ANKHD1: variants seen among roughly 807,000 people sequenced by gnomAD.
ANKHD1 encodes ankyrin repeat and KH domain-containing protein 1.
A neutral mutation model predicts 230.5 loss-of-function variants in ANKHD1; 31 were observed. The observed-to-expected ratio is 0.13, with a 90% CI of 0.10 to 0.18. The LOEUF (loss-of-function observed/expected upper bound fraction) is 0.18, where lower values mean the gene tolerates loss of function less well. Ranked by LOEUF, ANKHD1 falls within the 10% of genes least tolerant of loss-of-function variation. ANKHD1 has a pLI of 1.00. For synonymous variants in ANKHD1, 1,074 were observed against 1,117.6 expected (o/e 0.96, Z 0.78); for missense variants, 2,256 against 3,071.3 (o/e 0.73, Z 6.27).
At chr5:140,440,022 C>T in intron 3 of ANKHD1, 97 bp from the exon 4 acceptor site, 1 of 1,334,838 alleles carries the variant, frequency 7.5e-7, no homozygotes, top group South Asian at 2.4e-5. Flanking sequence ...ACTGCATTAA[C>T]ATTTTTCTTT....
intron 29 of ANKHD1, among the ~76,000 whole-genome samples, chr5:140,532,205 TAA>T (rs78497065): frequency 4.1e-4 from 52 of 126,512 alleles, no homozygotes; most frequent in Admixed American, 4.9e-4. Context: ...GACTCTGTCT[TAA>T]AAAAAAAAAA....
intron 25 of ANKHD1, chr5:140,524,952 A>T: frequency 5.6e-6 from 2 of 354,862 alleles, no homozygotes; most frequent in Non-Finnish European, 1.1e-5. Context: ...AAAAAAAAAA[A>T]TTACAAAATT....
chr5:140,498,006 C>T (rs1752115045), intron 15 of ANKHD1: 1 of 152,004 alleles, frequency 6.6e-6, no homozygotes, highest in South Asian at 2.1e-4. Context: ...ATGAGGTGCA[C>T]AAGTTTACTT....
At chr5:140,433,472 T>C (rs951395137) in intron 1 of ANKHD1, among the ~76,000 whole-genome samples, 1 of 152,220 alleles carries the variant, frequency 6.6e-6, no homozygotes, top group African/African-American at 2.4e-5. Flanking sequence ...TGTGCATCCT[T>C]CAAAGCCTAG....
chr5:140,480,522 C>T (rs1581318351), intron 10 of ANKHD1, among the ~76,000 whole-genome samples: 1 of 151,986 alleles, frequency 6.6e-6, no homozygotes, highest in African/African-American at 2.4e-5. Context: ...TGATCACTGC[C>T]AGGCTTAAGA....
intron 10 of ANKHD1, among the ~76,000 whole-genome samples, chr5:140,474,598 CTTTTTTT>C (rs771180811): frequency 3.3e-5 from 4 of 120,868 alleles, no homozygotes; most frequent in African/African-American, 6.1e-5. Flanking sequence ...TTTTTTTCTT[CTTTTTTT>C]TTTTTTTTTT....
At chr5:140,406,788 G>C (rs11747867) in intron 1 of ANKHD1, among the ~76,000 whole-genome samples, 1 of 151,990 alleles carries the variant, frequency 6.6e-6, no homozygotes, top group African/African-American at 2.4e-5. Context: ...TGCTCGCCTA[G>C]GTCTCCCAAA....
intron 24 of ANKHD1, among the ~76,000 whole-genome samples, chr5:140,518,040 A>G (rs1460734754): frequency 3.3e-5 from 5 of 151,642 alleles, no homozygotes; most frequent in Non-Finnish European, 5.9e-5. Flanking sequence ...TTGATAGACC[A>G]CTAGCAAGAC....
At chr5:140,534,391 CAAA>C (rs1208990002) in intron 29 of ANKHD1, among the ~76,000 whole-genome samples, 3 of 84,580 alleles carry the variant, frequency 3.5e-5, no homozygotes, top group Admixed American at 1.3e-4. Context: ...GACTCCGTCT[CAAA>C]AAAAAAAAAA....
At chr5:140,497,379 A>G in intron 15 of ANKHD1, 101 bp downstream of exon 15, 1 of 1,469,884 alleles carries the variant, frequency 6.8e-7, no homozygotes, top group Non-Finnish European at 8.9e-7. Context: ...TTTCCATTTT[A>G]GAACTTTGTA....
In ANKHD1 at chr5:140,528,554, C is replaced by T. The variant is rs1269170932; in HGVS notation, c.5608C>T (p.Pro1870Ser). ...AAQTMQQIRH[P>S]RLPMAQFGGT... ...TCAAACTATGCAACAGATTCGGCAT[C>T]CTCGCTTACCCATGGCCCAGTTTGG... The change falls in exon 29 of 34, where the codon CCT (proline) becomes TCT (serine). Residue 1870 changes from proline (P) to serine (S), a missense_variant. By Grantham distance (74) the Pro-to-Ser change is moderately conservative. This residue lies in a region of ANKHD1 where 778 missense variants were observed against 966.5 expected (regional missense o/e 0.80). Coordinates refer to ENST00000360839, the MANE Select transcript of ANKHD1 (RefSeq NM_017747.3). 2 of 1,614,098 alleles carry T rather than the reference C, an allele frequency of 1.2e-6. No individual in the cohort carries two copies. The highest frequency in any genetic ancestry group is 2.2e-5 in the East Asian group (1 of 44,900).
intron 31 of ANKHD1, chr5:140,537,795 C>A: frequency 2.2e-6 from 2 of 929,434 alleles, no homozygotes. Flanking sequence ...TAGAGTTAAT[C>A]AGAAACAAAA....
At position 140,496,740 on chromosome 5, in the gene ANKHD1, G is replaced by T. The variant is rs757384745; in HGVS notation, c.2466G>T (p.Lys822Asn). Residue 822 changes from lysine (K) to asparagine (N), a missense_variant, in exon 15 of 34, where the codon AAG becomes AAT. Physicochemically the swap from Lys to Asn is moderately conservative, Grantham distance 94 (BLOSUM62 0). Coordinates refer to ENST00000360839, the MANE Select transcript of ANKHD1 (RefSeq NM_017747.3). ...AAGATAAGATAGAAGAACTTAAAAAGAACAGAGAAGAGCAAGTCCAGAAGA... is the reference window on the plus strand; with the variant it reads ...AAGATAAGATAGAAGAACTTAAAAATAACAGAGAAGAGCAAGTCCAGAAGA... ...LNKDKIEELK[K>N]NREEQVQKKK... 1.2e-6 allele frequency: 2 copies of T among 1,613,714 alleles called. No homozygotes were observed. The highest frequency in any genetic ancestry group is 1.7e-6 in the Non-Finnish European group (2 of 1,179,942).
intron 4 of ANKHD1, 138 bp downstream of exon 4, chr5:140,440,404 G>C (rs1252026121): frequency 1.9e-5 from 25 of 1,290,518 alleles, no homozygotes; most frequent in Non-Finnish European, 2.3e-5. Flanking sequence ...TTTGGTAGTG[G>C]GTAAAGTAGA....
intron 9 of ANKHD1, among the ~76,000 whole-genome samples, chr5:140,462,151 T>C (rs1472536480): frequency 1.3e-5 from 2 of 152,160 alleles, no homozygotes; most frequent in African/African-American, 4.8e-5. Context: ...AGAGACTTTA[T>C]TGTATTCAGG....
intron 7 of ANKHD1, among the ~76,000 whole-genome samples, chr5:140,458,063 T>G (rs969784299): frequency 1.1e-4 from 16 of 152,306 alleles, no homozygotes; most frequent in African/African-American, 3.1e-4. Context: ...CAACAAGGTG[T>G]TGTGATTAGG....
At chr5:140,524,392 GT>G in intron 25 of ANKHD1, 152 bp downstream of exon 25, 11 of 1,336,656 alleles carry the variant, frequency 8.2e-6, no homozygotes, top group Non-Finnish European at 1.1e-5. Flanking sequence ...ATATTTGTAA[GT>G]GTTTTGCATT....
At chr5:140,459,458 T>C in intron 9 of ANKHD1, 103 bp downstream of exon 9, 1 of 1,358,130 alleles carries the variant, frequency 7.4e-7, no homozygotes, top group Non-Finnish European at 9.6e-7. Flanking sequence ...AATAGAATGG[T>C]GGTTACCAGA....
At chr5:140,436,700 C>G (rs1487603468) in intron 2 of ANKHD1, among the ~76,000 whole-genome samples, 1 of 149,050 alleles carries the variant, frequency 6.7e-6, no homozygotes, top group Non-Finnish European at 1.5e-5. Flanking sequence ...GAGCCGAGAT[C>G]ATGCCATAGC....
Sources: gnomAD v4.1 joint callset for allele counts (sites outside exome capture counted in the v4.1 genomes callset) on GRCh38, gnomAD v4.1.1 for gene constraint, gnomAD v4.1.1 regional missense constraint, MANE v1.5 for transcripts, NCBI Gene and HGNC (gene_info 2026-07-23, HGNC 2026-07-21) for gene names.